Variants in PHKG2 observed in about 807,000 individuals in gnomAD.
PHKG2 encodes phosphorylase b kinase gamma catalytic chain, liver/testis isoform.
A neutral mutation model predicts 44.5 loss-of-function variants in PHKG2; 28 were observed. The observed-to-expected ratio is 0.63, with a 90% confidence interval of 0.47 to 0.86. The LOEUF (loss-of-function observed/expected upper bound fraction) is 0.86. Ranked by LOEUF, PHKG2 falls within the 40% of genes least tolerant of loss-of-function variation. The pLI is 0.00. For synonymous variants in PHKG2, 220 were observed against 211.2 expected (o/e 1.04, Z -0.36); for missense variants, 498 against 547.5 (o/e 0.91, Z 0.90).
At position 30,748,831 on chromosome 16, in the gene PHKG2, A is replaced by G; in HGVS notation, c.11A>G (p.Asp4Gly). 6.4e-7 allele frequency: 1 copy of G among 1,551,920 alleles called. No individual in the cohort carries two copies. The highest frequency in any genetic ancestry group is 8.7e-7 in the Non-Finnish European group (1 of 1,147,152). Reference protein sequence around the residue: MTLDVGPEDELPDW... With the variant: MTLGVGPEDELPDW... The stretch of plus-strand genomic sequence containing the variant: ...CCCGCCTCCTTCAGGATGACGCTGG[A>G]CGTGGGGCCGGAGGATGAGCTGCCC... The change falls in exon 2 of 10, where the codon GAC becomes GGC. Residue 4 changes from aspartate (D) to glycine (G), a missense_variant. By Grantham distance (94) the Asp-to-Gly change is moderately conservative (BLOSUM62 -1). Coordinates refer to ENST00000563588, the MANE Select transcript of PHKG2 (RefSeq NM_000294.3).
chr16:30,754,273 C>T (rs2053388516), intron 6 of PHKG2, among the ~76,000 whole-genome samples: 1 of 151,214 alleles, frequency 6.6e-6, no homozygotes, highest in African/African-American at 2.4e-5. Context: ...TCAAGCTATT[C>T]TTCTGCCTCA....
At chr16:30,752,984 A>C (rs2053371427) in intron 4 of PHKG2, 1 of 567,146 alleles carries the variant, frequency 1.8e-6, no homozygotes, top group Non-Finnish European at 3.2e-6. Context: ...CCTCCTATAA[A>C]TTATATTGTC....
rs1371913408 is a variant in PHKG2, at chr16:30,757,957, C to G, written c.*860C>G. On this transcript the variant is annotated 3_prime_UTR_variant, in exon 10 of 10. Coordinates refer to ENST00000563588, the MANE Select transcript of PHKG2 (RefSeq NM_000294.3). ...ATGAAATGTGGATAGTGATACCTAG[C>G]ACATAGGATTGAGGGAGGATTAAAT... is the stretch of plus-strand genomic sequence containing the variant. 1 of 479,902 alleles carries G rather than the reference C, an allele frequency of 2.1e-6. No homozygotes were observed. The highest frequency in any genetic ancestry group is 3.2e-6 in the Non-Finnish European group (1 of 307,728). The allele number at this position is 479,902 out of a possible 1,614,324, so 29.7% of individuals were successfully genotyped here.
chr16:30,754,252 A>G (rs1423685922), intron 6 of PHKG2, among the ~76,000 whole-genome samples: 1 of 146,020 alleles, frequency 6.8e-6, no homozygotes, highest in African/African-American at 2.6e-5. Context: ...CGAAATCTCC[A>G]CCTCCTGGGT....
Position 30,760,082 on chromosome 16 carries a change from A to C in PHKG2, c.*2985A>C. The stretch of plus-strand genomic sequence containing the variant: ...ATTTGCATATATTATTTCTCAGAAC[A>C]GTCCTGTAAAATGTGTGCTGTATCC... On this transcript the variant is annotated 3_prime_UTR_variant, in exon 10 of 10. Coordinates refer to ENST00000563588, the MANE Select transcript of PHKG2 (RefSeq NM_000294.3). 6.5e-7 allele frequency: 1 copy of C among 1,536,380 alleles called. No homozygotes were observed. The highest frequency in any genetic ancestry group is 8.7e-7 in the Non-Finnish European group (1 of 1,146,890).
chr16:30,757,323 A>G lies in PHKG2; in HGVS notation c.*226A>G, dbSNP rs926479081. On this transcript the variant is annotated 3_prime_UTR_variant, in exon 10 of 10. Coordinates refer to ENST00000563588, the MANE Select transcript of PHKG2 (RefSeq NM_000294.3). ...CCACGCCTGGCCCGGTCAGTGCTGC[A>G]TGCACTGCATATGAAATAAAATCTG... 2.0e-6 allele frequency: 3 copies of G among 1,531,502 alleles called. No individual in the cohort carries two copies. Among genetic ancestry groups the G allele is most frequent in the African/African-American group, 1.4e-5 (1 of 72,658 alleles). The allele number at this position is 1,531,502 out of a possible 1,614,324, so 94.9% of individuals were successfully genotyped here.
chr16:30,756,220 C>T lies in PHKG2; in HGVS notation c.595C>T (p.Leu199Phe), dbSNP rs1442454879. Reference protein sequence around the residue: ...GTPGYLAPEILKCSMDETHPG... With the variant: ...GTPGYLAPEIFKCSMDETHPG... ...CCCAGGGTATCTAGCGCCAGAGATC[C>T]TTAAATGCTCCATGGATGAAACCCA... The change falls in exon 7 of 10, where the codon CTT (leucine) becomes TTT (phenylalanine). Residue 199 changes from leucine to phenylalanine, a missense_variant. By Grantham distance (22) the Leu-to-Phe change is conservative. Transcript: ENST00000563588. 1.9e-6 allele frequency: 3 copies of T among 1,614,008 alleles called. No individual in the cohort carries two copies. The highest frequency in any genetic ancestry group is 2.5e-6 in the Non-Finnish European group (3 of 1,180,002).
In PHKG2 at chr16:30,760,371, G is replaced by C; in HGVS notation, c.*3274G>C. On this transcript the variant is annotated 3_prime_UTR_variant, in exon 10 of 10. Transcript: ENST00000563588. Reference sequence around the variant, plus strand: ...AAGCCCTGCTGGCGGCAGAAAATGAGCGCGTGGCAGAAGAGGTCCAGGGTG... The same window carrying C: ...AAGCCCTGCTGGCGGCAGAAAATGACCGCGTGGCAGAAGAGGTCCAGGGTG... 6.2e-7 allele frequency: 1 copy of C among 1,614,214 alleles called. No homozygotes were observed. The highest frequency in any genetic ancestry group is 1.1e-5 in the South Asian group (1 of 91,092).
At position 30,748,795 on chromosome 16, in the gene PHKG2, C is replaced by T; in HGVS notation, c.-18-8C>T. ...TCCCTGCCCTCACTGCCCTCCTCCT[C>T]CGCGCAGGCCCCCGCCTCCTTCAGG... On this transcript the variant is annotated splice_polypyrimidine_tract_variant and splice_region_variant and intron_variant, in intron 1 of 9. Coordinates refer to ENST00000563588, the MANE Select transcript of PHKG2 (RefSeq NM_000294.3). The T allele has an allele frequency of 1.3e-6, 2 of 1,535,416 alleles. No individual in the cohort carries two copies. Among genetic ancestry groups the T allele is most frequent in the Non-Finnish European group, 8.8e-7 (1 of 1,132,792 alleles).
Position 30,751,531 on chromosome 16 carries a change from C to T in PHKG2, c.272-18C>T, listed in dbSNP as rs2053343942. The T allele has an allele frequency of 1.1e-5, 17 of 1,609,866 alleles. No homozygotes were observed. The highest frequency in any genetic ancestry group is 1.3e-5 in the African/African-American group (1 of 74,962). ...CCTTTCCATCTCTGTCTCTCTGCCTCTCTTCCTCTCTCCCTAGTCACCCTC... is the reference window on the plus strand; with the variant it reads ...CCTTTCCATCTCTGTCTCTCTGCCTTTCTTCCTCTCTCCCTAGTCACCCTC... On this transcript the variant is annotated intron_variant, in intron 3 of 9. Coordinates refer to ENST00000563588, the MANE Select transcript of PHKG2 (RefSeq NM_000294.3).
chr16:30,755,923 G>A (rs2151309832), intron 6 of PHKG2, among the ~76,000 whole-genome samples: 1 of 152,296 alleles, frequency 6.6e-6, no homozygotes, highest in African/African-American at 2.4e-5. Context: ...AGGGTTGGAG[G>A]AGGCAAATGA....
chr16:30,753,482 C>T lies in PHKG2; in HGVS notation c.481C>T (p.Leu161=). 1.2e-6 allele frequency: 2 copies of T among 1,614,050 alleles called. No individual in the cohort carries two copies. Among genetic ancestry groups the T allele is most frequent in the Non-Finnish European group, 1.7e-6 (2 of 1,179,952 alleles). ...HRDLKPENIL[L]DDNMQIRLSD... ...AGATCTGAAGCCCGAGAATATTCTC[C>T]TAGATGACAATATGCAGATCCGACT... Residue 161 remains leucine, a synonymous_variant, in exon 6 of 10, where the codon CTA becomes TTA. Transcript: ENST00000563588.
At chr16:30,753,092 CTG>C (rs1015707385) in intron 4 of PHKG2, 138 bp from the exon 5 acceptor site, 4 of 738,678 alleles carry the variant, frequency 5.4e-6, no homozygotes, top group Non-Finnish European at 9.7e-6. Context: ...TGTTGGAGTG[CTG>C]TGTTTCTAGA....
chr16:30,755,188 G>A (rs933731746), intron 6 of PHKG2: 3 of 279,868 alleles, frequency 1.1e-5, no homozygotes, highest in Non-Finnish European at 2.2e-5. Flanking sequence ...GCTACAATGA[G>A]CTGTGATAGT....
chr16:30,753,329 G>C, intron 5 of PHKG2, 32 bp downstream of exon 5: 3 of 1,612,722 alleles, frequency 1.9e-6, no homozygotes, highest in South Asian at 2.2e-5. Flanking sequence ...CCAGGGGTGA[G>C]CAGGGGGTGG....
chr16:30,753,205 T>C (rs985964135), intron 4 of PHKG2, 27 bp from the exon 5 acceptor site: 5 of 1,592,478 alleles, frequency 3.1e-6, no homozygotes, highest in Non-Finnish European at 3.4e-6. Flanking sequence ...GGGATGCAGC[T>C]GCCTCCTATG....
chr16:30,753,105 C>T (rs1376284895), intron 4 of PHKG2, 127 bp from the exon 5 acceptor site: 2 of 787,058 alleles, frequency 2.5e-6, no homozygotes, highest in Non-Finnish European at 2.2e-6. Flanking sequence ...TGTTTCTAGA[C>T]CCTTTGGTTT....
In PHKG2 at chr16:30,756,613, T is replaced by G; in HGVS notation, c.825T>G (p.Asp275Glu). The G allele has an allele frequency of 6.2e-7, 1 of 1,613,998 alleles. No individual in the cohort carries two copies. Among genetic ancestry groups the G allele is most frequent in the African/African-American group, 1.3e-5 (1 of 75,044 alleles). ...AGATCTCCAGGCTGCTGCAGGTGGA[T>G]CCTGAGGCACGCCTGACAGCTGAGC... ...KDLISRLLQVDPEARLTAEQA... is the reference protein window; with the variant it reads ...KDLISRLLQVEPEARLTAEQA... The change falls in exon 9 of 10, where the codon GAT (aspartate) becomes GAG (glutamate). Residue 275 changes from aspartate (D) to glutamate (E), a missense_variant. Transcript: ENST00000563588.
At position 30,759,484 on chromosome 16, in the gene PHKG2, C is replaced by T. The variant is rs1363604172; in HGVS notation, c.*2387C>T. 1.9e-6 allele frequency: 3 copies of T among 1,614,198 alleles called. No homozygotes were observed. Among genetic ancestry groups the T allele is most frequent in the East Asian group, 2.2e-5 (1 of 44,888 alleles). On this transcript the variant is annotated 3_prime_UTR_variant, in exon 10 of 10. Coordinates refer to ENST00000563588, the MANE Select transcript of PHKG2 (RefSeq NM_000294.3). ...CTGTGGTGGTGACTCGGAATTAGAA[C>T]CCTGACTACCTTCCGGAGCCCTGGC...
Sources: gnomAD v4.1 joint callset for allele counts (sites outside exome capture counted in the v4.1 genomes callset) on GRCh38, gnomAD v4.1.1 for gene constraint, MANE v1.5 for transcripts, NCBI Gene and HGNC (gene_info 2026-07-23, HGNC 2026-07-21) for gene names.